The following ERC2 variants were observed in gnomAD, a reference collection of about 807,000 sequenced individuals.
ERC2 encodes ERC protein 2.
Under a neutral mutation model 114.8 loss-of-function variants are expected in ERC2, and 42 were observed. The ratio of observed to expected loss-of-function variants is 0.37; its 90% CI spans 0.29 to 0.47. The LOEUF (loss-of-function observed/expected upper bound fraction) is 0.47. ERC2 is among the 20% of genes least tolerant of loss of function. The probability of loss-of-function intolerance (pLI) is 0.99; values close to 1 mark genes in which losing one functional copy is unlikely to be tolerated. For missense variants in ERC2, 939 were observed against 1,150.7 expected (o/e 0.82, Z 2.66); for synonymous variants, 454 against 425.5 (o/e 1.07, Z -0.82).
rs537661700 is a variant in ERC2, at chr3:56,201,119, G to T, written c.1075-27599C>A. Among the ~76,000 whole-genome samples the T allele has an allele frequency of 1.2e-4, 19 of 152,138 alleles. 1 individual carries two copies. The South Asian group carries it at 2.9e-3, about 23-fold the overall frequency. On this transcript the variant is annotated intron_variant, in intron 3 of 17. Coordinates refer to ENST00000288221, the MANE Select transcript of ERC2 (RefSeq NM_015576.3). ...CATCTAAACTTTCTTCAGTCCTTCT[G>T]CCTGGTTTTCCCTTCTCTCCCCATC...
At chr3:56,031,999 A>C (rs2074405292) in intron 7 of ERC2, among the ~76,000 whole-genome samples, 1 of 152,132 alleles carries the variant, frequency 6.6e-6, no homozygotes, top group African/African-American at 2.4e-5. Context: ...TCCTTGCAGT[A>C]ATGAGTGAGT....
In ERC2 at chr3:56,010,542, C is replaced by T; in HGVS notation, c.1827G>A (p.Arg609=). 1 of 1,613,558 alleles carries T rather than the reference C, an allele frequency of 6.2e-7. No homozygotes were observed. Among genetic ancestry groups the T allele is most frequent in the Non-Finnish European group, 8.5e-7 (1 of 1,179,714 alleles). Residue 609 remains arginine, a synonymous_variant, in exon 9 of 18, where the codon CGG becomes CGA. Coordinates refer to ENST00000288221, the MANE Select transcript of ERC2 (RefSeq NM_015576.3). ...RLKEQRERDD[R]ERLEEIESFR... ...AGGATTCTATCTCTTCTAGTCTTTC[C>T]CGATCATCTCTTTCTCGCTGTTCTT...
At chr3:56,380,521 A>G (rs1464539630) in intron 2 of ERC2, among the ~76,000 whole-genome samples, 5 of 151,770 alleles carry the variant, frequency 3.3e-5, no homozygotes, top group African/African-American at 7.3e-5. Flanking sequence ...TCTTCGCTCT[A>G]TTTGGACCCA....
chr3:56,265,514 T>A (rs2053233380), intron 3 of ERC2, among the ~76,000 whole-genome samples: 1 of 151,976 alleles, frequency 6.6e-6, no homozygotes, highest in South Asian at 2.1e-4. Context: ...GAAGAAAATA[T>A]AGGAAAAAAC....
At chr3:56,347,059 A>C (rs968302279) in intron 2 of ERC2, among the ~76,000 whole-genome samples, 1 of 152,210 alleles carries the variant, frequency 6.6e-6, no homozygotes, top group African/African-American at 2.4e-5. Flanking sequence ...AGCAAATACT[A>C]ACTTGCAGTG....
intron 2 of ERC2, among the ~76,000 whole-genome samples, chr3:56,309,694 G>A (rs2056429394): frequency 6.6e-6 from 1 of 152,172 alleles, no homozygotes; most frequent in Non-Finnish European, 1.5e-5. Flanking sequence ...ACTCACTACA[G>A]GGTTCATACA....
chr3:55,775,583 A>T (rs546259098), intron 14 of ERC2, among the ~76,000 whole-genome samples: 1 of 148,684 alleles, frequency 6.7e-6, no homozygotes, highest in Non-Finnish European at 1.5e-5. Context: ...TAAATAAATA[A>T]AAAAGGAAAA....
At chr3:56,267,274 T>G (rs536876589) in intron 3 of ERC2, among the ~76,000 whole-genome samples, 1 of 152,224 alleles carries the variant, frequency 6.6e-6, no homozygotes, top group Non-Finnish European at 1.5e-5. Context: ...CAGTGGAATA[T>G]TATTTTGCTT....
chr3:55,718,486 GGAACCTA>G, intron 15 of ERC2, among the ~76,000 whole-genome samples: 1 of 152,134 alleles, frequency 6.6e-6, no homozygotes, highest in South Asian at 2.1e-4. Flanking sequence ...GCAGAAAGGG[GGAACCTA>G]TTATCAAGTA....
chr3:55,525,027 A>G (rs1393550098), intron 17 of ERC2, among the ~76,000 whole-genome samples: 1 of 152,200 alleles, frequency 6.6e-6, no homozygotes, highest in African/African-American at 2.4e-5. Flanking sequence ...ATGACAAATC[A>G]AGACTCCTCC....
At chr3:56,318,020 C>G (rs1376460818) in intron 2 of ERC2, among the ~76,000 whole-genome samples, 2 of 152,210 alleles carry the variant, frequency 1.3e-5, no homozygotes, top group Non-Finnish European at 2.9e-5. Context: ...CTCTCTTTCT[C>G]TGTTTCTCAT....
At chr3:55,969,451 T>C (rs371553172) in intron 12 of ERC2, among the ~76,000 whole-genome samples, 1 of 151,028 alleles carries the variant, frequency 6.6e-6, no homozygotes, top group South Asian at 2.1e-4. Flanking sequence ...CACCACTGTA[T>C]ATACAGGAAG....
At chr3:55,708,044 C>T (rs1010977487) in intron 15 of ERC2, among the ~76,000 whole-genome samples, 2 of 152,162 alleles carry the variant, frequency 1.3e-5, no homozygotes, top group Non-Finnish European at 2.9e-5. Context: ...CAAATCAAGA[C>T]TGACCTGGGA....
chr3:56,353,043 G>A (rs1576557627), intron 2 of ERC2, among the ~76,000 whole-genome samples: 1 of 152,098 alleles, frequency 6.6e-6, no homozygotes, highest in Non-Finnish European at 1.5e-5. Flanking sequence ...CAGGGCAGAG[G>A]ATCACAAAAA....
intron 15 of ERC2, among the ~76,000 whole-genome samples, chr3:55,703,364 A>G (rs2063323323): frequency 6.6e-6 from 1 of 152,132 alleles, no homozygotes; most frequent in African/African-American, 2.4e-5. Context: ...CCTGCTCTTC[A>G]TGCTCTACCC....
intron 2 of ERC2, among the ~76,000 whole-genome samples, chr3:56,338,817 T>C (rs2057969724): frequency 6.6e-6 from 1 of 152,188 alleles, no homozygotes; most frequent in African/African-American, 2.4e-5. Flanking sequence ...CCTAAGGCTG[T>C]CAGGCCACAA....
intron 17 of ERC2, among the ~76,000 whole-genome samples, chr3:55,608,473 A>C (rs1467337494): frequency 6.6e-6 from 1 of 152,198 alleles, no homozygotes; most frequent in Non-Finnish European, 1.5e-5. Flanking sequence ...CATTAACTTC[A>C]GATCACAAAG....
chr3:56,171,744 G>A (rs1347502422), intron 4 of ERC2, among the ~76,000 whole-genome samples: 7 of 151,226 alleles, frequency 4.6e-5, no homozygotes, highest in Admixed American at 2.0e-4. Flanking sequence ...ACAAAAAAAG[G>A]TACCAATTAT....
At position 56,434,484 on chromosome 3, in the gene ERC2, A is replaced by G; in HGVS notation, c.524T>C (p.Leu175Ser). Reference protein sequence around the residue: ...RKELDIKDSKLGSSMNSIKTF... With the variant: ...RKELDIKDSKSGSSMNSIKTF... ...CTTAATACTGTTCATGGAAGATCCCAATTTGCTGTCCTTGATGTCTAGCTC... is the reference window on the plus strand; with the variant it reads ...CTTAATACTGTTCATGGAAGATCCCGATTTGCTGTCCTTGATGTCTAGCTC... Residue 175 changes from leucine (L) to serine (S), a missense_variant, in exon 2 of 18, where the codon TTG becomes TCG. By Grantham distance (145) the Leu-to-Ser change is moderately radical. Transcript: ENST00000288221. 6.2e-7 allele frequency: 1 copy of G among 1,613,986 alleles called. No homozygotes were observed. The highest frequency in any genetic ancestry group is 2.2e-5 in the East Asian group (1 of 44,872).
Sources: allele counts gnomAD v4.1 joint callset (sites outside exome capture counted in the v4.1 genomes callset), GRCh38; gene constraint gnomAD v4.1.1; transcripts MANE v1.5; gene names NCBI Gene and HGNC (gene_info 2026-07-23, HGNC 2026-07-21).